Variants in PPHLN1 observed in about 807,000 individuals in gnomAD.
PPHLN1 encodes the protein periphilin-1.
PPHLN1 carries 29 observed loss-of-function variants against 51.3 expected under a neutral mutation model. That is an observed-to-expected ratio of 0.57 (90% CI 0.42 to 0.77). The LOEUF is 0.77. PPHLN1 is among the 30% of genes least tolerant of loss of function. PPHLN1 has a pLI of 0.00. For missense variants in PPHLN1, 436 were observed against 438.4 expected (o/e 0.99, Z 0.05); for synonymous variants, 147 against 147.8 (o/e 0.99, Z 0.04).
intron 9 of PPHLN1, among the ~76,000 whole-genome samples, chr12:42,406,696 A>G (rs1376762062): frequency 6.6e-6 from 1 of 151,758 alleles, no homozygotes; most frequent in Non-Finnish European, 1.5e-5. Flanking sequence ...TGTTGTGGAT[A>G]TTTTTCCCAT....
chr12:42,417,490 A>AT (rs1167340394), intron 9 of PPHLN1, among the ~76,000 whole-genome samples: 1 of 151,886 alleles, frequency 6.6e-6, no homozygotes, highest in East Asian at 1.9e-4. Flanking sequence ...AATACCCCAT[A>AT]TGTTACATGT....
intron 9 of PPHLN1, among the ~76,000 whole-genome samples, chr12:42,439,068 G>T (rs1385776608): frequency 2.6e-5 from 4 of 152,134 alleles, no homozygotes; most frequent in Non-Finnish European, 5.9e-5. Context: ...ATTTATTGGG[G>T]TTTTTCTTGG....
intron 4 of PPHLN1, among the ~76,000 whole-genome samples, chr12:42,364,462 T>G (rs879590624): frequency 5.9e-5 from 9 of 151,918 alleles, no homozygotes; most frequent in African/African-American, 9.7e-5. Flanking sequence ...CGACCCCATT[T>G]CTACAAAAAA....
chr12:42,343,384 G>T (rs1403464997), intron 2 of PPHLN1, among the ~76,000 whole-genome samples: 1 of 152,022 alleles, frequency 6.6e-6, no homozygotes, highest in Non-Finnish European at 1.5e-5. Context: ...ACATACATCA[G>T]TCAAAAGAAT....
chr12:42,375,263 T>C (rs2138779395), intron 5 of PPHLN1, 189 bp downstream of exon 5: 5 of 465,542 alleles, frequency 1.1e-5, no homozygotes, highest in East Asian at 3.4e-5. Flanking sequence ...TCAAACTATT[T>C]GAAGTGGCAT....
At chr12:42,379,806 A>G (rs1161328934) in intron 5 of PPHLN1, among the ~76,000 whole-genome samples, 2 of 152,044 alleles carry the variant, frequency 1.3e-5, no homozygotes, top group Non-Finnish European at 2.9e-5. Flanking sequence ...GTGATTCTGT[A>G]TATTAGCACC....
intron 3 of PPHLN1, 54 bp from the exon 4 acceptor site, chr12:42,355,107 C>G: frequency 6.6e-7 from 1 of 1,525,418 alleles, no homozygotes. Context: ...TAGATATGTC[C>G]CACTTGTCCA....
At chr12:42,370,576 A>G (rs867911136) in intron 4 of PPHLN1, among the ~76,000 whole-genome samples, 1 of 152,012 alleles carries the variant, frequency 6.6e-6, no homozygotes, top group Non-Finnish European at 1.5e-5. Flanking sequence ...TTTACCATTA[A>G]CATTTTTGTG....
intron 5 of PPHLN1, among the ~76,000 whole-genome samples, chr12:42,378,516 A>G (rs1351970991): frequency 1.3e-5 from 2 of 152,276 alleles, no homozygotes; most frequent in South Asian, 4.1e-4. Flanking sequence ...GTTTTCTAGT[A>G]TAAATTGAAA....
At chr12:42,442,820 A>G (rs1424066685), downstream of PPHLN1, 5 of 1,600,142 alleles carry the variant, frequency 3.1e-6, no homozygotes, top group East Asian at 2.2e-5. Flanking sequence ...GACAACAGCT[A>G]TCCACACAAC....
At chr12:42,424,130 G>A (rs1011574667) in intron 9 of PPHLN1, among the ~76,000 whole-genome samples, 1 of 152,184 alleles carries the variant, frequency 6.6e-6, no homozygotes, top group Non-Finnish European at 1.5e-5. Context: ...TAGGCAGATA[G>A]GCTGCAGTGC....
intron 9 of PPHLN1, 198 bp downstream of exon 9, chr12:42,399,192 T>G: frequency 8.1e-7 from 1 of 1,235,574 alleles, no homozygotes; most frequent in East Asian, 3.1e-5. Flanking sequence ...TTGTTTATTT[T>G]TAAATAAAAA....
At chr12:42,360,414 G>T (rs2074518336) in intron 4 of PPHLN1, among the ~76,000 whole-genome samples, 1 of 142,280 alleles carries the variant, frequency 7.0e-6, no homozygotes, top group Non-Finnish European at 1.5e-5. Context: ...TTAGGTCTAG[G>T]TTATAGGTTT....
At chr12:42,430,235 C>T (rs1011591644) in intron 9 of PPHLN1, among the ~76,000 whole-genome samples, 1 of 151,924 alleles carries the variant, frequency 6.6e-6, no homozygotes, top group Non-Finnish European at 1.5e-5. Context: ...ATTTTAGCTG[C>T]TCTTCTCTCT....
chr12:42,423,743 T>A (rs2081197754), intron 9 of PPHLN1, among the ~76,000 whole-genome samples: 1 of 152,030 alleles, frequency 6.6e-6, no homozygotes, highest in Non-Finnish European at 1.5e-5. Flanking sequence ...AGTGGCATGA[T>A]CTCAACTCAC....
At chr12:42,354,200 G>A (rs575265678) in intron 3 of PPHLN1, among the ~76,000 whole-genome samples, 20 of 152,202 alleles carry the variant, frequency 1.3e-4, no homozygotes, top group South Asian at 8.3e-4. Context: ...TTTGCATATT[G>A]TATTATTCTA....
intron 1 of PPHLN1, among the ~76,000 whole-genome samples, chr12:42,332,484 T>C (rs1042669139): frequency 2.0e-5 from 3 of 152,234 alleles, no homozygotes; most frequent in Non-Finnish European, 4.4e-5. Context: ...TTTGTTCTTA[T>C]GAAACTTGGG....
chr12:42,336,167 CTTA>C (rs1014928504), intron 2 of PPHLN1, among the ~76,000 whole-genome samples, 193 bp downstream of exon 2: 19 of 152,108 alleles, frequency 1.2e-4, no homozygotes, highest in Middle Eastern at 3.4e-3. Context: ...AAGTAGAAAA[CTTA>C]TTATTTATAT....
At chr12:42,330,700 CTTTT>C (rs1457047369) in intron 1 of PPHLN1, among the ~76,000 whole-genome samples, 1 of 152,072 alleles carries the variant, frequency 6.6e-6, no homozygotes, top group African/African-American at 2.4e-5. Context: ...GGGTACAGAT[CTTTT>C]TTTGTTTGTT....
Sources: gnomAD v4.1 joint callset for allele counts (sites outside exome capture counted in the v4.1 genomes callset) on GRCh38, gnomAD v4.1.1 for gene constraint, MANE v1.5 for transcripts, NCBI Gene and HGNC (gene_info 2026-07-23, HGNC 2026-07-21) for gene names.